DLG2: variants seen among roughly 807,000 people sequenced by gnomAD.
DLG2 encodes disks large homolog 2.
In DLG2, 45 loss-of-function variants were observed where a neutral mutation model predicts 132.5. That is an observed-to-expected ratio of 0.34 (90% CI 0.27 to 0.44). DLG2 has a LOEUF of 0.44. Among genes scored for constraint, DLG2 ranks in the 20% least tolerant of loss-of-function variants. DLG2 has a pLI of 1.00. For synonymous variants in DLG2, 424 were observed against 419.6 expected, an observed-to-expected ratio of 1.01 and a Z score of -0.13; for missense variants, 1,045 against 1,196.9, an observed-to-expected ratio of 0.87 and a Z score of 1.87.
chr11:85,289,205 AC>A (rs1335222254), intron 3 of DLG2, among the ~76,000 whole-genome samples: 1 of 152,134 alleles, frequency 6.6e-6, no homozygotes. Context: ...CTTTTGGTTA[AC>A]AAGAATTATT....
At chr11:85,468,760 G>T (rs1381535037) in intron 3 of DLG2, among the ~76,000 whole-genome samples, 4 of 152,192 alleles carry the variant, frequency 2.6e-5, no homozygotes, top group Non-Finnish European at 5.9e-5. Context: ...AATAGGTGTG[G>T]TGTGGTGCTG....
At chr11:84,720,863 T>A (rs2061749050) in intron 6 of DLG2, 2 of 148,188 alleles carry the variant, frequency 1.3e-5, no homozygotes, top group African/African-American at 5.0e-5. Context: ...GAAGAAAACA[T>A]ACTGCAGCTC....
At chr11:85,063,493 G>C (rs140313581) in intron 6 of DLG2, among the ~76,000 whole-genome samples, 1 of 151,874 alleles carries the variant, frequency 6.6e-6, no homozygotes, top group East Asian at 1.9e-4. Context: ...ATTTTATATA[G>C]AGTCTGTACG....
At chr11:83,577,887 T>C (rs1199179702) in intron 19 of DLG2, among the ~76,000 whole-genome samples, 1 of 125,962 alleles carries the variant, frequency 7.9e-6, no homozygotes, top group Non-Finnish European at 1.6e-5. Context: ...AATATAAATA[T>C]ATAAATGGAA....
chr11:83,997,730 CAAAAAAAAAAAAAAAAAAAAA>C lies in DLG2; in HGVS notation c.920-17109_920-17089del, dbSNP rs71066079. Reference sequence around the variant, plus strand: ...TGGGTGACAGAGCAAGACTCCATCTCAAAAAAAAAAAAAAAAAAAAAAAAAAAAAAAAAAAAAAGGTGTGCC... The same window carrying C: ...TGGGTGACAGAGCAAGACTCCATCTCAAAAAAAAAAAAAAAAAGGTGTGCC... On this transcript the variant is annotated intron_variant, in intron 11 of 27. Coordinates refer to ENST00000376104, the MANE Select transcript of DLG2 (RefSeq NM_001142699.3). Among the ~76,000 whole-genome samples, 79 of 24,800 alleles carry C rather than the reference CAAAAAAAAAAAAAAAAAAAAA, an allele frequency of 3.2e-3. 1 individual carries two copies. The highest frequency in any genetic ancestry group is 7.3e-3 in the African/African-American group (49 of 6,724). 16.3% of individuals were successfully genotyped at this position (24,800 alleles called of 152,430 possible). A position where few individuals can be genotyped will look rare whatever the true frequency, so the allele number is the denominator to read the frequency against.
intron 6 of DLG2, among the ~76,000 whole-genome samples, chr11:85,069,716 T>A (rs906052290): frequency 5.9e-5 from 9 of 152,160 alleles, no homozygotes; most frequent in Non-Finnish European, 1.2e-4. Flanking sequence ...GACTGTAAAC[T>A]AGTTTAACCA....
chr11:85,335,339 A>G (rs2082056028), intron 3 of DLG2, among the ~76,000 whole-genome samples: 1 of 152,086 alleles, frequency 6.6e-6, no homozygotes, highest in African/African-American at 2.4e-5. Flanking sequence ...TCTTAAAGAC[A>G]GCATACAGTT....
At chr11:84,591,072 C>A (rs2154530576) in intron 6 of DLG2, among the ~76,000 whole-genome samples, 1 of 152,288 alleles carries the variant, frequency 6.6e-6, no homozygotes, top group East Asian at 1.9e-4. Context: ...CCAATGTTAT[C>A]TTTCATCCTC....
chr11:85,400,939 TAAAAAAAA>T (rs948387073), intron 3 of DLG2, among the ~76,000 whole-genome samples: 9 of 125,302 alleles, frequency 7.2e-5, no homozygotes, highest in African/African-American at 2.4e-4. Flanking sequence ...TAATAATAAT[TAAAAAAAA>T]AAAAAGAAAA....
At chr11:84,454,995 A>G (rs1449674069) in intron 7 of DLG2, among the ~76,000 whole-genome samples, 2 of 151,590 alleles carry the variant, frequency 1.3e-5, no homozygotes, top group African/African-American at 4.8e-5. Context: ...TTATTCTTCA[A>G]TAAGGACACT....
At chr11:85,377,786 T>C (rs1565400781) in intron 3 of DLG2, among the ~76,000 whole-genome samples, 1 of 56,002 alleles carries the variant, frequency 1.8e-5, no homozygotes, top group East Asian at 3.1e-4. Context: ...TGTGTATACA[T>C]ATATATATAT....
intron 18 of DLG2, among the ~76,000 whole-genome samples, chr11:83,700,259 T>C (rs1037040885): frequency 4.6e-5 from 7 of 152,090 alleles, no homozygotes; most frequent in Admixed American, 3.9e-4. Context: ...TCCTCTCTTT[T>C]TGAGAAAGAG....
intron 8 of DLG2, among the ~76,000 whole-genome samples, chr11:84,223,556 C>CTTT (rs5793116): frequency 7.6e-6 from 1 of 131,576 alleles, no homozygotes; most frequent in African/African-American, 2.8e-5. Context: ...ATTTATGTGA[C>CTTT]TTTTTTTTTT....
chr11:84,244,646 A>C (rs1416879678), intron 8 of DLG2, among the ~76,000 whole-genome samples: 1 of 152,236 alleles, frequency 6.6e-6, no homozygotes, highest in African/African-American at 2.4e-5. Flanking sequence ...GACAAAATAA[A>C]GCTGTTTCCT....
In DLG2 at chr11:84,314,197, G is replaced by A. The variant is rs144320346; in HGVS notation, c.520-62906C>T. 7.2e-5 allele frequency among the ~76,000 whole-genome samples: 11 copies of A among 152,226 alleles called. 1 individual carries two copies. In the East Asian group the frequency reaches 2.1e-3, roughly 29 times the overall value. ...CTCCCAGATGCTTAACAACTCTCTG[G>A]CACATTCTGTACCACATGTGAGTCC... On this transcript the variant is annotated intron_variant, in intron 7 of 27. Coordinates refer to ENST00000376104, the MANE Select transcript of DLG2 (RefSeq NM_001142699.3).
intron 18 of DLG2, among the ~76,000 whole-genome samples, chr11:83,757,034 AG>A (rs2093677077): frequency 1.3e-5 from 2 of 152,218 alleles, no homozygotes; most frequent in South Asian, 4.1e-4. Context: ...TGAGGATAAT[AG>A]TTATCACCTG....
chr11:83,815,776 C>G (rs1018711080), intron 17 of DLG2, among the ~76,000 whole-genome samples: 1 of 152,166 alleles, frequency 6.6e-6, no homozygotes. Context: ...GCACACAGGC[C>G]TCATGGGGGC....
At chr11:85,538,542 T>A (rs2075759804) in intron 3 of DLG2, among the ~76,000 whole-genome samples, 1 of 151,932 alleles carries the variant, frequency 6.6e-6, no homozygotes, top group Admixed American at 6.5e-5. Flanking sequence ...CATGCATCCA[T>A]ATGTCCATTG....
chr11:83,498,229 G>A (rs2094254496), intron 21 of DLG2, among the ~76,000 whole-genome samples: 1 of 152,054 alleles, frequency 6.6e-6, no homozygotes, highest in Admixed American at 6.6e-5. Flanking sequence ...GTATTTAAAT[G>A]TGATAACATA....
Sources: allele counts gnomAD v4.1 joint callset (sites outside exome capture counted in the v4.1 genomes callset), GRCh38; gene constraint gnomAD v4.1.1; transcripts MANE v1.5; gene names NCBI Gene and HGNC (gene_info 2026-07-23, HGNC 2026-07-21).